WDPCP: variants seen among roughly 807,000 people sequenced by gnomAD.
WDPCP encodes the protein WD repeat-containing and planar cell polarity effector protein fritz homolog.
WDPCP carries 71 observed loss-of-function variants against 93.1 expected under a neutral mutation model. The ratio of observed to expected loss-of-function variants is 0.76; its 90% CI spans 0.63 to 0.93. WDPCP has a LOEUF of 0.93. Among genes scored for constraint, WDPCP ranks in the 40% least tolerant of loss-of-function variants. WDPCP has a pLI of 0.00. For missense variants in WDPCP, 844 were observed against 887.4 expected, an observed-to-expected ratio of 0.95 and a Z score of 0.62; for synonymous variants, 315 against 315.0, an observed-to-expected ratio of 1.00 and a Z score of 0.00.
chr2:63,256,755 A>T (rs1009453828), intron 14 of WDPCP, among the ~76,000 whole-genome samples: 4 of 152,232 alleles, frequency 2.6e-5, no homozygotes, highest in African/African-American at 4.8e-5. Context: ...CAGCAAGAAG[A>T]GTGGAAGAAT....
chr2:63,146,444 G>A (rs1024000599), intron 17 of WDPCP, among the ~76,000 whole-genome samples: 2 of 129,596 alleles, frequency 1.5e-5, no homozygotes, highest in East Asian at 2.4e-4. Context: ...TTGCTGTATT[G>A]CCCAGGCTGG....
chr2:63,295,443 A>G (rs4560098), intron 13 of WDPCP, among the ~76,000 whole-genome samples: 120,435 of 151,906 alleles, frequency 0.79, 48,263 homozygotes, highest in East Asian at 0.96. Flanking sequence ...AGATGAAAAA[A>G]AAGATATTCC....
intron 17 of WDPCP, 124 bp downstream of exon 17, chr2:63,152,790 T>C: frequency 1.2e-6 from 1 of 831,888 alleles, no homozygotes; most frequent in Non-Finnish European, 2.0e-6. Flanking sequence ...CCAGTTAATC[T>C]AGTTAATGTA....
intron 1 of WDPCP, among the ~76,000 whole-genome samples, chr2:63,523,211 G>T (rs1297865268): frequency 6.6e-6 from 1 of 152,110 alleles, no homozygotes; most frequent in African/African-American, 2.4e-5. Context: ...AAAACCACAT[G>T]ATCATCTCAA....
intron 3 of WDPCP, among the ~76,000 whole-genome samples, chr2:63,627,748 GCAC>G (rs1323797430): frequency 6.6e-6 from 1 of 152,132 alleles, no homozygotes; most frequent in Non-Finnish European, 1.5e-5. Flanking sequence ...TTCCAGCTGA[GCAC>G]CACTTCCATC....
At chr2:63,526,515 C>T (rs560364494) in intron 1 of WDPCP, among the ~76,000 whole-genome samples, 1 of 152,260 alleles carries the variant, frequency 6.6e-6, no homozygotes, top group East Asian at 1.9e-4. Flanking sequence ...AAACTCAAAC[C>T]TCTTGCCATG....
intron 17 of WDPCP, among the ~76,000 whole-genome samples, chr2:63,152,370 G>A (rs989019266): frequency 6.6e-6 from 1 of 151,514 alleles, no homozygotes; most frequent in African/African-American, 2.4e-5. Flanking sequence ...TTCCTCCTGG[G>A]TTCAAGTAAT....
intron 14 of WDPCP, among the ~76,000 whole-genome samples, chr2:63,233,853 C>G (rs1468515593): frequency 1.3e-5 from 2 of 152,072 alleles, no homozygotes; most frequent in Non-Finnish European, 2.9e-5. Context: ...GATCTGGTGC[C>G]CAGCCCTGGA....
At chr2:63,649,340 T>C (rs1710084955) in intron 3 of WDPCP, among the ~76,000 whole-genome samples, 1 of 152,254 alleles carries the variant, frequency 6.6e-6, no homozygotes, top group Admixed American at 6.5e-5. Flanking sequence ...TCACTTAGCA[T>C]GTTTCCAAGG....
intron 12 of WDPCP, among the ~76,000 whole-genome samples, chr2:63,373,741 CTTTGGGGTTAATTTTTTTTCT>C (rs1302334624): frequency 1.3e-5 from 2 of 152,034 alleles, no homozygotes; most frequent in African/African-American, 4.8e-5. Flanking sequence ...TTCTTGCCAT[CTTTGGGGTTAATTTTTTTTCT>C]TTATCCAACA....
intron 2 of WDPCP, among the ~76,000 whole-genome samples, chr2:63,681,307 C>A (rs1221842799): frequency 6.6e-6 from 1 of 152,106 alleles, no homozygotes; most frequent in African/African-American, 2.4e-5. Flanking sequence ...CAGAGGGGAG[C>A]CCACTGCTCC....
chr2:63,575,763 A>T (rs1355038372), intron 1 of WDPCP, among the ~76,000 whole-genome samples: 1 of 151,734 alleles, frequency 6.6e-6, no homozygotes, highest in Non-Finnish European at 1.5e-5. Flanking sequence ...GCATATACAA[A>T]CACATGTGTG....
intron 6 of WDPCP, among the ~76,000 whole-genome samples, chr2:63,458,894 G>A (rs1698817574): frequency 6.6e-6 from 1 of 152,094 alleles, no homozygotes; most frequent in Non-Finnish European, 1.5e-5. Context: ...ATAGATCAAT[G>A]GAACAGACTA....
intron 1 of WDPCP, among the ~76,000 whole-genome samples, chr2:63,499,988 T>C (rs1277705557): frequency 6.6e-6 from 1 of 152,218 alleles, no homozygotes. Context: ...CTCTTCTTCT[T>C]AAACTGTGAT....
chr2:63,361,832 G>A (rs964501474), intron 12 of WDPCP, among the ~76,000 whole-genome samples: 1 of 152,132 alleles, frequency 6.6e-6, no homozygotes, highest in African/African-American at 2.4e-5. Context: ...GGAGGGGTGA[G>A]GCATCCAAGC....
At chr2:63,227,853 G>T (rs145489853) in intron 14 of WDPCP, among the ~76,000 whole-genome samples, 1,738 of 152,026 alleles carry the variant, frequency 0.011, 16 homozygotes, top group Middle Eastern at 0.024. Flanking sequence ...TTTATTTCAA[G>T]TTCAAAAGGT....
chr2:63,425,313 A>T (rs1696191645), intron 9 of WDPCP, among the ~76,000 whole-genome samples: 2 of 152,208 alleles, frequency 1.3e-5, no homozygotes, highest in African/African-American at 4.8e-5. Context: ...GGTGATTCAA[A>T]AGTCAGAGTG....
At chr2:63,410,023 G>T (rs1694910182) in intron 9 of WDPCP, among the ~76,000 whole-genome samples, 1 of 152,114 alleles carries the variant, frequency 6.6e-6, no homozygotes, top group East Asian at 1.9e-4. Context: ...AAGAAGCACA[G>T]AAAACATCTG....
At chr2:63,404,732 T>C in intron 9 of WDPCP, 75 bp from the exon 10 acceptor site, 1 of 1,570,030 alleles carries the variant, frequency 6.4e-7, no homozygotes, top group South Asian at 1.1e-5. Flanking sequence ...ACTGCATATT[T>C]ATTCAGAAAC....
Sources: allele counts gnomAD v4.1 joint callset (sites outside exome capture counted in the v4.1 genomes callset), GRCh38; gene constraint gnomAD v4.1.1; transcripts MANE v1.5; gene names NCBI Gene and HGNC (gene_info 2026-07-23, HGNC 2026-07-21).